The following FARP1 variants were observed in gnomAD, a reference collection of about 807,000 sequenced individuals.
FARP1 encodes the protein FERM, ARH/RhoGEF and pleckstrin domain protein 1.
In FARP1, 52 loss-of-function variants were observed where a neutral mutation model predicts 128.8. The ratio of observed to expected loss-of-function variants is 0.40; its 90% CI spans 0.32 to 0.51. FARP1 has a LOEUF of 0.51. Ranked by LOEUF, FARP1 falls within the 20% of genes least tolerant of loss-of-function variation. FARP1 has a pLI of 0.45. For synonymous variants in FARP1, 580 were observed against 551.8 expected, an observed-to-expected ratio of 1.05 and a Z score of -0.72; for missense variants, 1,333 against 1,367.9, an observed-to-expected ratio of 0.97 and a Z score of 0.40.
intron 1 of FARP1, among the ~76,000 whole-genome samples, chr13:98,178,382 G>T (rs1393672239): frequency 6.6e-6 from 1 of 151,938 alleles, no homozygotes; most frequent in East Asian, 1.9e-4. Context: ...TTTTAGTAGC[G>T]ACAGGGTTTC....
chr13:98,343,970 T>C, intron 3 of FARP1, 104 bp downstream of exon 3: 1 of 761,814 alleles, frequency 1.3e-6, no homozygotes, highest in Admixed American at 1.9e-5. Flanking sequence ...ATTTTCATGC[T>C]GTCTGTTTTG....
At chr13:98,196,880 T>C (rs181534746) in intron 1 of FARP1, among the ~76,000 whole-genome samples, 54 of 152,368 alleles carry the variant, frequency 3.5e-4, no homozygotes, top group Middle Eastern at 3.4e-3. Flanking sequence ...TTACATACTT[T>C]TTTCCTTGAC....
intron 2 of FARP1, among the ~76,000 whole-genome samples, chr13:98,331,340 A>T (rs1404212707): frequency 1.3e-5 from 2 of 152,194 alleles, no homozygotes; most frequent in African/African-American, 4.8e-5. Flanking sequence ...AGAGACTGCC[A>T]TCCGTAGTGA....
intron 16 of FARP1, among the ~76,000 whole-genome samples, chr13:98,416,538 A>C (rs1485682195): frequency 3.3e-5 from 5 of 152,236 alleles, no homozygotes; most frequent in African/African-American, 1.2e-4. Flanking sequence ...TCTTGCTGGC[A>C]AAGCCACATT....
intron 1 of FARP1, among the ~76,000 whole-genome samples, chr13:98,199,720 C>T (rs1879812599): frequency 1.3e-5 from 2 of 152,162 alleles, no homozygotes; most frequent in South Asian, 4.1e-4. Flanking sequence ...AGGTTGGCTG[C>T]AGACTAAAAA....
intron 17 of FARP1, among the ~76,000 whole-genome samples, chr13:98,425,038 G>A (rs1328812057): frequency 6.6e-6 from 1 of 152,026 alleles, no homozygotes. Context: ...TCAGGAAGAT[G>A]GCTGTTCGGC....
At chr13:98,273,816 C>T (rs1427721699) in intron 2 of FARP1, among the ~76,000 whole-genome samples, 1 of 152,220 alleles carries the variant, frequency 6.6e-6, no homozygotes, top group Non-Finnish European at 1.5e-5. Flanking sequence ...CCAAGAAGTT[C>T]AAGGTCACAC....
chr13:98,336,169 A>G (rs965139864), intron 2 of FARP1, among the ~76,000 whole-genome samples: 4 of 152,352 alleles, frequency 2.6e-5, no homozygotes, highest in Admixed American at 2.0e-4. Context: ...AGAAAAGAAA[A>G]CAAAACATAC....
chr13:98,223,067 C>G (rs8000234), intron 2 of FARP1, among the ~76,000 whole-genome samples: 94,487 of 151,912 alleles, frequency 0.62, 30,996 homozygotes, highest in African/African-American at 0.84. Context: ...CCTGCAGAAG[C>G]AATGTCAGGG....
At chr13:98,281,676 C>T (rs1218156545) in intron 2 of FARP1, among the ~76,000 whole-genome samples, 3 of 152,310 alleles carry the variant, frequency 2.0e-5, no homozygotes, top group East Asian at 3.9e-4. Flanking sequence ...AAGAAATCTG[C>T]TCCATGGTCA....
At chr13:98,240,696 G>A (rs1882717304) in intron 2 of FARP1, among the ~76,000 whole-genome samples, 1 of 152,242 alleles carries the variant, frequency 6.6e-6, no homozygotes, top group Non-Finnish European at 1.5e-5. Flanking sequence ...GTCGGGAGAG[G>A]ATGAGAATTT....
At chr13:98,318,677 G>GGAGA (rs1382765417) in intron 2 of FARP1, among the ~76,000 whole-genome samples, 1 of 152,168 alleles carries the variant, frequency 6.6e-6, no homozygotes, top group Admixed American at 6.5e-5. Flanking sequence ...AGGTTGGGAG[G>GGAGA]GAGAGCTGGT....
chr13:98,366,366 C>G (rs754051008), intron 4 of FARP1, among the ~76,000 whole-genome samples: 14 of 152,282 alleles, frequency 9.2e-5, no homozygotes, highest in Non-Finnish European at 1.9e-4. Flanking sequence ...AATAATTATA[C>G]TGACAATGAA....
At chr13:98,421,299 G>A (rs1400361952) in intron 16 of FARP1, among the ~76,000 whole-genome samples, 2 of 152,164 alleles carry the variant, frequency 1.3e-5, no homozygotes, top group African/African-American at 2.4e-5. Flanking sequence ...TGAAATAGAT[G>A]ACATTTGGCT....
chr13:98,283,301 A>G (rs917753545), intron 2 of FARP1, among the ~76,000 whole-genome samples: 10 of 152,204 alleles, frequency 6.6e-5, no homozygotes, highest in Non-Finnish European at 1.3e-4. Context: ...CGTTCATGCA[A>G]ATTTAAGGTC....
intron 8 of FARP1, among the ~76,000 whole-genome samples, chr13:98,386,256 A>G (rs1300811705): frequency 1.4e-5 from 2 of 144,378 alleles, no homozygotes; most frequent in Non-Finnish European, 3.0e-5. Context: ...GACTTCAGAT[A>G]TACTTAAAGA....
chr13:98,144,836 C>CT (rs1187474727), intron 1 of FARP1, among the ~76,000 whole-genome samples: 1 of 152,194 alleles, frequency 6.6e-6, no homozygotes, highest in Admixed American at 6.5e-5. Flanking sequence ...CTATCTTTGG[C>CT]TTTCTCCCTC....
At chr13:98,269,322 G>A (rs1884280995) in intron 2 of FARP1, among the ~76,000 whole-genome samples, 1 of 152,168 alleles carries the variant, frequency 6.6e-6, no homozygotes, top group African/African-American at 2.4e-5. Flanking sequence ...TAGTTAAGTG[G>A]ATAACTTAAG....
At chr13:98,351,363 A>G (rs1165838748) in intron 3 of FARP1, among the ~76,000 whole-genome samples, 1 of 152,226 alleles carries the variant, frequency 6.6e-6, no homozygotes, top group Admixed American at 6.5e-5. Context: ...CTGTAATCCC[A>G]GCACTTTGCG....
Sources: allele counts gnomAD v4.1 joint callset (sites outside exome capture counted in the v4.1 genomes callset), GRCh38; gene constraint gnomAD v4.1.1; transcripts MANE v1.5; gene names NCBI Gene and HGNC (gene_info 2026-07-23, HGNC 2026-07-21).